Variants in KCNQ5 observed in about 807,000 individuals in gnomAD.
The protein encoded by KCNQ5 is potassium voltage-gated channel subfamily Q member 5.
Under a neutral mutation model 98.2 loss-of-function variants are expected in KCNQ5, and 30 were observed. The ratio of observed to expected loss-of-function variants is 0.31; its 90% CI spans 0.23 to 0.41. The LOEUF (loss-of-function observed/expected upper bound fraction) is 0.41. Ranked by LOEUF, KCNQ5 falls within the 10% of genes least tolerant of loss-of-function variation. KCNQ5 has a pLI of 1.00. For synonymous variants in KCNQ5, 458 were observed against 449.4 expected, an observed-to-expected ratio of 1.02 and a Z score of -0.24; for missense variants, 835 against 1,182.5, an observed-to-expected ratio of 0.71 and a Z score of 4.31.
At chr6:72,948,077 T>TA (rs1292233096) in intron 1 of KCNQ5, among the ~76,000 whole-genome samples, 1 of 152,106 alleles carries the variant, frequency 6.6e-6, no homozygotes, top group Non-Finnish European at 1.5e-5. Flanking sequence ...CACATCAGTT[T>TA]AAAAAGCAAT....
intron 5 of KCNQ5, among the ~76,000 whole-genome samples, chr6:73,098,108 T>C (rs1289018755): frequency 6.6e-6 from 1 of 151,894 alleles, no homozygotes; most frequent in Admixed American, 6.6e-5. Context: ...GCAGAAAATC[T>C]GGAGGTCAAA....
At chr6:72,742,536 A>G (rs1017224402) in intron 1 of KCNQ5, among the ~76,000 whole-genome samples, 35 of 152,136 alleles carry the variant, frequency 2.3e-4, no homozygotes, top group African/African-American at 8.2e-4. Flanking sequence ...TCTGTTCAAA[A>G]TTTCCAGGTA....
Position 73,121,336 on chromosome 6 carries a change from T to TAA in KCNQ5, c.1220+772_1220+773dup, listed in dbSNP as rs113225446. On this transcript the variant is annotated intron_variant, in intron 8 of 13. Transcript: ENST00000370398. The stretch of plus-strand genomic sequence containing the variant: ...AATGATTACCACAGAGATCTGTAAT[T>TAA]AAAAAAAAAAAAAAGGGCTTAGTCT... 1.6e-3 allele frequency among the ~76,000 whole-genome samples: 226 copies of TAA among 139,182 alleles called. 1 individual carries two copies. The highest frequency in any genetic ancestry group is 5.5e-3 in the African/African-American group (211 of 38,212). 91.3% of individuals were successfully genotyped at this position (139,182 alleles called of 152,430 possible). A position where few individuals can be genotyped will look rare whatever the true frequency, so the allele number is the denominator to read the frequency against.
intron 1 of KCNQ5, among the ~76,000 whole-genome samples, chr6:72,784,644 C>T (rs112973028): frequency 1.8e-4 from 28 of 152,316 alleles, no homozygotes; most frequent in African/African-American, 6.7e-4. Context: ...TGTTCGTCCT[C>T]TCATGGTCAC....
intron 5 of KCNQ5, among the ~76,000 whole-genome samples, chr6:73,082,270 G>T (rs1200790990): frequency 6.6e-6 from 1 of 152,154 alleles, no homozygotes; most frequent in Non-Finnish European, 1.5e-5. Context: ...GCAAGAAATG[G>T]CAGCTTCTCA....
intron 3 of KCNQ5, among the ~76,000 whole-genome samples, chr6:73,073,588 A>G (rs1773388073): frequency 1.3e-5 from 2 of 152,248 alleles, no homozygotes; most frequent in African/African-American, 4.8e-5. Flanking sequence ...TGCCTGGTAC[A>G]TAGTAGGGAC....
rs1472920930 is a variant in KCNQ5, at chr6:72,821,750, A to T, written c.399-182158A>T. On this transcript the variant is annotated intron_variant, in intron 1 of 13. Coordinates refer to ENST00000370398, the MANE Select transcript of KCNQ5 (RefSeq NM_019842.4). ...TGAAAAACAATTATTTCTTGCCTGG[A>T]CTATTTTACTCCTCTTCTGTTGCAT... Among the ~76,000 whole-genome samples the T allele has an allele frequency of 2.0e-5, 3 of 151,656 alleles. No homozygotes were observed. In the East Asian group the frequency reaches 5.8e-4, roughly 29 times the overall value.
At chr6:72,713,329 G>A (rs548670590) in intron 1 of KCNQ5, among the ~76,000 whole-genome samples, 5 of 152,042 alleles carry the variant, frequency 3.3e-5, no homozygotes, top group Non-Finnish European at 5.9e-5. Context: ...TCATAAGTTC[G>A]CCTCTGAAAG....
intron 1 of KCNQ5, among the ~76,000 whole-genome samples, chr6:72,838,949 CAAAAAAAA>C (rs67894922): frequency 3.4e-5 from 2 of 58,722 alleles, no homozygotes; most frequent in Non-Finnish European, 3.2e-5. Flanking sequence ...GACTCCGTCT[CAAAAAAAA>C]AAAAAAAAAA....
intron 9 of KCNQ5, among the ~76,000 whole-genome samples, chr6:73,124,964 TATATATATATATATATACACACAC>T (rs60371588): frequency 0.25 from 4,961 of 19,606 alleles, 389 homozygotes; most frequent in African/African-American, 0.45. Context: ...TATATATATA[TATATATATATATATATACACACAC>T]ACACATATAT....
chr6:73,118,936 G>A lies in KCNQ5; in HGVS notation c.1126-1547G>A, dbSNP rs61576085. On this transcript the variant is annotated intron_variant, in intron 7 of 13. Transcript: ENST00000370398. Reference sequence around the variant, plus strand: ...CTCAGGAGGCTGAGGCACGAGCATCGCTTGAACCCAGAAGGCAGAGGTGGC... The same window carrying A: ...CTCAGGAGGCTGAGGCACGAGCATCACTTGAACCCAGAAGGCAGAGGTGGC... 5.6e-3 allele frequency among the ~76,000 whole-genome samples: 847 copies of A among 152,298 alleles called. 8 individuals are homozygous for A. Among genetic ancestry groups the A allele is most frequent in the African/African-American group, 0.019 (798 of 41,556 alleles).
In KCNQ5 at chr6:72,899,437, G is replaced by A. The variant is rs1204827647; in HGVS notation, c.399-104471G>A. Among the ~76,000 whole-genome samples, 5 of 151,906 alleles carry A rather than the reference G, an allele frequency of 3.3e-5. No homozygotes were observed. The East Asian group carries it at 9.6e-4, about 29-fold the overall frequency. ...ATAGAATTATGAGAGTGCGATTATG[G>A]GGTCAAACAATATGAGTAGTTTTGA... On this transcript the variant is annotated intron_variant, in intron 1 of 13. Transcript: ENST00000370398.
At chr6:72,960,189 C>G (rs1229524964) in intron 1 of KCNQ5, among the ~76,000 whole-genome samples, 2 of 152,188 alleles carry the variant, frequency 1.3e-5, no homozygotes, top group East Asian at 3.9e-4. Flanking sequence ...CCAAATGATC[C>G]CATGGCCATT....
intron 1 of KCNQ5, among the ~76,000 whole-genome samples, chr6:72,918,477 T>C (rs1780261414): frequency 6.6e-6 from 1 of 151,826 alleles, no homozygotes; most frequent in Non-Finnish European, 1.5e-5. Flanking sequence ...TGTCTCAAGA[T>C]CATGAGAGAG....
intron 1 of KCNQ5, among the ~76,000 whole-genome samples, chr6:72,933,578 T>C (rs1582041599): frequency 6.6e-6 from 1 of 152,360 alleles, no homozygotes; most frequent in African/African-American, 2.4e-5. Context: ...TTCTACTTGA[T>C]TGTTTCAAAT....
intron 11 of KCNQ5, among the ~76,000 whole-genome samples, chr6:73,175,878 A>C (rs1778193320): frequency 6.6e-6 from 1 of 152,130 alleles, no homozygotes; most frequent in South Asian, 2.1e-4. Flanking sequence ...ATTTGGGAAG[A>C]CTCTAAAAGA....
At chr6:72,655,158 A>G (rs756702532) in intron 1 of KCNQ5, among the ~76,000 whole-genome samples, 13 of 146,888 alleles carry the variant, frequency 8.9e-5, no homozygotes, top group Non-Finnish European at 1.2e-4. Flanking sequence ...TTCAGTAGCT[A>G]TGTGCAAACA....
At chr6:72,678,551 ACTGGT>A (rs1481809760) in intron 1 of KCNQ5, 1 of 152,076 alleles carries the variant, frequency 6.6e-6, no homozygotes, top group Non-Finnish European at 1.5e-5. Context: ...AAAAAGTAAC[ACTGGT>A]CATATGTATC....
rs190587435 is a variant in KCNQ5, at chr6:73,169,981, A to G, written c.1577+127A>G. ...ACCACTTTCCCTTTCCTATTCATCCATATGCCTATTGAATTGTGAAATATT... is the reference window on the plus strand; with the variant it reads ...ACCACTTTCCCTTTCCTATTCATCCGTATGCCTATTGAATTGTGAAATATT... On this transcript the variant is annotated intron_variant, in intron 11 of 13. Coordinates refer to ENST00000370398, the MANE Select transcript of KCNQ5 (RefSeq NM_019842.4). 6.0e-6 allele frequency: 4 copies of G among 667,688 alleles called. No individual in the cohort carries two copies. The African/African-American group carries it at 7.1e-5, about 12-fold the overall frequency. The allele number at this position is 667,688 out of a possible 1,614,324, so 41.4% of individuals were successfully genotyped here. A position where few individuals can be genotyped will look rare whatever the true frequency, so the allele number is the denominator to read the frequency against.
Sources: gnomAD v4.1 joint callset for allele counts (sites outside exome capture counted in the v4.1 genomes callset) on GRCh38, gnomAD v4.1.1 for gene constraint, MANE v1.5 for transcripts, NCBI Gene and HGNC (gene_info 2026-07-23, HGNC 2026-07-21) for gene names.